CDH13: variants seen among roughly 807,000 people sequenced by gnomAD.
CDH13 encodes cadherin-13.
In CDH13, 24 loss-of-function variants were observed where a neutral mutation model predicts 63.8. That is an observed-to-expected ratio of 0.38 (90% CI 0.27 to 0.53). CDH13 has a LOEUF of 0.53. Ranked by LOEUF, CDH13 falls within the 20% of genes least tolerant of loss-of-function variation. The pLI is 0.85. For missense variants in CDH13, 1,049 were observed against 903.1 expected (o/e 1.16, Z -2.07); for synonymous variants, 503 against 355.3 (o/e 1.42, Z -4.67).
rs59677448 is a variant in CDH13 at position 82,896,276 on chromosome 16, A to ATTTTTTTTTTTTTTTTT, written c.157+37820_157+37836dup. On this transcript the variant is annotated intron_variant, in intron 2 of 13. Coordinates refer to ENST00000567109, the MANE Select transcript of CDH13 (RefSeq NM_001257.5). ...GAGTCTTCTGAGAACTAGGATTAGG[A>ATTTTTTTTTTTTTTTTT]TTTTTTTTTTTTTTTTTTTTTTTTT... Among the ~76,000 whole-genome samples the ATTTTTTTTTTTTTTTTT allele has an allele frequency of 6.6e-4, 58 of 87,852 alleles. 7 individuals are homozygous for ATTTTTTTTTTTTTTTTT. The highest frequency in any genetic ancestry group is 8.2e-4 in the Non-Finnish European group (38 of 46,142). 57.6% of individuals were successfully genotyped at this position (87,852 alleles called of 152,430 possible). A position where few individuals can be genotyped will look rare whatever the true frequency, so the allele number is the denominator to read the frequency against.
chr16:83,422,854 A>G (rs534835707), intron 6 of CDH13, among the ~76,000 whole-genome samples: 19 of 152,282 alleles, frequency 1.2e-4, no homozygotes, highest in African/African-American at 4.1e-4. Context: ...CACAATGAAC[A>G]CTCAGAAATG....
At chr16:82,708,490 G>T (rs2031665015) in intron 1 of CDH13, among the ~76,000 whole-genome samples, 1 of 152,160 alleles carries the variant, frequency 6.6e-6, no homozygotes, top group South Asian at 2.1e-4. Flanking sequence ...TCTGTGTGAA[G>T]ACTCCACTGT....
intron 6 of CDH13, among the ~76,000 whole-genome samples, chr16:83,381,218 T>C (rs1234423600): frequency 6.6e-6 from 1 of 152,168 alleles, no homozygotes; most frequent in East Asian, 1.9e-4. Flanking sequence ...ATTTCTAAAG[T>C]TGATGTTCCC....
At position 83,445,844 on chromosome 16, in the gene CDH13, TG is replaced by T. The variant is rs201282316; in HGVS notation, c.782-40629del. Reference sequence around the variant, plus strand: ...TCCCAGTCTTCCTCAAGTAGGTACTTGGGGAGATACTGAAGTAGGAGGAAGA... The same window carrying T: ...TCCCAGTCTTCCTCAAGTAGGTACTTGGGAGATACTGAAGTAGGAGGAAGA... On this transcript the variant is annotated intron_variant, in intron 6 of 13. Coordinates refer to ENST00000567109, the MANE Select transcript of CDH13 (RefSeq NM_001257.5). 6.2e-3 allele frequency among the ~76,000 whole-genome samples: 942 copies of T among 152,128 alleles called. 7 individuals are homozygous for T. Among genetic ancestry groups the T allele is most frequent in the African/African-American group, 0.022 (894 of 41,490 alleles).
intron 2 of CDH13, chr16:83,022,878 A>T (rs1915473522): frequency 6.6e-6 from 1 of 152,264 alleles, no homozygotes; most frequent in African/African-American, 2.4e-5. Context: ...GAATAGCACA[A>T]AATTCATATA....
chr16:83,586,706 T>C (rs1205571705), intron 7 of CDH13, among the ~76,000 whole-genome samples: 1 of 152,134 alleles, frequency 6.6e-6, no homozygotes, highest in Non-Finnish European at 1.5e-5. Context: ...ATTAGGCATC[T>C]TGTGCAAATA....
chr16:82,983,513 C>G (rs1181953807), intron 2 of CDH13, among the ~76,000 whole-genome samples: 1 of 152,168 alleles, frequency 6.6e-6, no homozygotes, highest in African/African-American at 2.4e-5. Flanking sequence ...GAATTTACAA[C>G]TGCCAGTAAG....
chr16:83,155,822 C>A (rs565150985), intron 4 of CDH13, among the ~76,000 whole-genome samples: 3 of 152,304 alleles, frequency 2.0e-5, no homozygotes, highest in Non-Finnish European at 2.9e-5. Context: ...GGTAAACACA[C>A]AATGCCACAA....
At chr16:83,143,043 G>A (rs2036602794) in intron 4 of CDH13, among the ~76,000 whole-genome samples, 2 of 152,196 alleles carry the variant, frequency 1.3e-5, no homozygotes, top group African/African-American at 4.8e-5. Flanking sequence ...GGCGGAGGTT[G>A]CCATAAGCCA....
At chr16:82,980,898 C>T (rs1188249855) in intron 2 of CDH13, among the ~76,000 whole-genome samples, 6 of 152,198 alleles carry the variant, frequency 3.9e-5, no homozygotes, top group Admixed American at 3.9e-4. Flanking sequence ...TTCTTATTGG[C>T]TGCTCCCGTT....
At chr16:83,764,207 G>A (rs983755099) in intron 11 of CDH13, among the ~76,000 whole-genome samples, 4 of 152,132 alleles carry the variant, frequency 2.6e-5, no homozygotes, top group Admixed American at 6.5e-5. Flanking sequence ...TATGACCACC[G>A]TGGTGGTGAT....
rs1457573082 is a variant in CDH13 at position 83,799,471 on chromosome 16, A to G, written c.*4441A>G. On this transcript the variant is annotated 3_prime_UTR_variant, in exon 14 of 14. Coordinates refer to ENST00000567109, the MANE Select transcript of CDH13 (RefSeq NM_001257.5). ...CATTCAAAGGGGCAAATTCTAAAGG[A>G]TCTCTAAGTAGTTGCTGATTTTGTA... 1 of 152,068 alleles carries G rather than the reference A, an allele frequency of 6.6e-6. No individual in the cohort carries two copies. Among genetic ancestry groups the G allele is most frequent in the Non-Finnish European group, 1.5e-5 (1 of 68,016 alleles). The allele number at this position is 152,068 out of a possible 1,614,324, so 9.4% of individuals were successfully genotyped here.
chr16:82,652,940 T>G (rs995414605), intron 1 of CDH13, among the ~76,000 whole-genome samples: 3 of 152,168 alleles, frequency 2.0e-5, no homozygotes, highest in African/African-American at 7.2e-5. Context: ...CATTAGCTCA[T>G]TCATTCATTG....
intron 10 of CDH13, among the ~76,000 whole-genome samples, chr16:83,723,546 C>G (rs992367707): frequency 1.3e-5 from 2 of 152,208 alleles, no homozygotes; most frequent in African/African-American, 4.8e-5. Context: ...TCACTATCAT[C>G]TCCTTTGCAA....
At chr16:83,185,212 A>G (rs980721494) in intron 4 of CDH13, among the ~76,000 whole-genome samples, 1 of 152,160 alleles carries the variant, frequency 6.6e-6, no homozygotes, top group African/African-American at 2.4e-5. Context: ...GCTGGTCTAC[A>G]TTCATACCCC....
rs868076869 is a variant in CDH13, at chr16:83,067,865, C to T, written c.366+35647C>T. ...CTAGATACCGGAATGTCTCAGGCCT[C>T]CCATCCCCTCTATCCTCCATTTCGC... On this transcript the variant is annotated intron_variant, in intron 3 of 13. Coordinates refer to ENST00000567109, the MANE Select transcript of CDH13 (RefSeq NM_001257.5). 1.3e-3 allele frequency among the ~76,000 whole-genome samples: 194 copies of T among 152,278 alleles called. 1 individual carries two copies. The highest frequency in any genetic ancestry group is 4.4e-3 in the African/African-American group (182 of 41,546).
chr16:83,192,532 T>C (rs12921759), intron 4 of CDH13, among the ~76,000 whole-genome samples: 13,382 of 152,184 alleles, frequency 0.088, 683 homozygotes, highest in African/African-American at 0.12. Context: ...AAAAGTGATA[T>C]CCCCAGAGCT....
chr16:83,314,853 A>C (rs965823210), intron 5 of CDH13, among the ~76,000 whole-genome samples: 1 of 152,202 alleles, frequency 6.6e-6, no homozygotes, highest in African/African-American at 2.4e-5. Context: ...TTTTATGCAC[A>C]GCTCTTTTCC....
intron 2 of CDH13, among the ~76,000 whole-genome samples, chr16:82,978,031 T>C (rs946086676): frequency 2.0e-5 from 3 of 152,214 alleles, no homozygotes; most frequent in African/African-American, 7.2e-5. Flanking sequence ...ACTCTCGTTA[T>C]GTTTTAGCAC....
Sources: allele counts gnomAD v4.1 joint callset (sites outside exome capture counted in the v4.1 genomes callset), GRCh38; gene constraint gnomAD v4.1.1; transcripts MANE v1.5; gene names NCBI Gene and HGNC (gene_info 2026-07-23, HGNC 2026-07-21).